The following CLCN1 variants were observed in gnomAD, a reference collection of about 807,000 sequenced individuals.
The protein encoded by CLCN1 is chloride channel protein 1.
In CLCN1, 100 loss-of-function variants were observed where a neutral mutation model predicts 114.5. That is an observed-to-expected ratio of 0.87 (90% CI 0.74 to 1.03). The LOEUF (loss-of-function observed/expected upper bound fraction) is 1.03. Ranked by LOEUF, CLCN1 falls within the 50% of genes least tolerant of loss-of-function variation. The pLI is 0.00. For missense variants in CLCN1, 1,188 were observed against 1,250.0 expected, an observed-to-expected ratio of 0.95 and a Z score of 0.75; for synonymous variants, 485 against 487.1, an observed-to-expected ratio of 1.00 and a Z score of 0.06.
chr7:143,329,360 C>T (rs1269710598), intron 7 of CLCN1, among the ~76,000 whole-genome samples: 2 of 152,108 alleles, frequency 1.3e-5, no homozygotes, highest in Non-Finnish European at 1.5e-5. Flanking sequence ...ATTCTGAGAG[C>T]GCAGGCTGAA....
chr7:143,346,737 A>G, intron 19 of CLCN1, 79 bp downstream of exon 19: 1 of 1,306,582 alleles, frequency 7.7e-7, no homozygotes, highest in Non-Finnish European at 1.1e-6. Flanking sequence ...TTCTTAAATC[A>G]GGAAGGCAGA....
At chr7:143,341,684 T>C (rs1263427211) in intron 14 of CLCN1, among the ~76,000 whole-genome samples, 1 of 152,122 alleles carries the variant, frequency 6.6e-6, no homozygotes, top group Non-Finnish European at 1.5e-5. Context: ...TATCTTCATA[T>C]TATAAATGAA....
intron 12 of CLCN1, among the ~76,000 whole-genome samples, chr7:143,336,744 A>G (rs1462937304): frequency 3.3e-5 from 5 of 152,148 alleles, no homozygotes. Context: ...TCACGTGCCA[A>G]TAGCTAAAAA....
chr7:143,331,359 G>C, intron 9 of CLCN1, 43 bp downstream of exon 9: 1 of 1,429,992 alleles, frequency 7.0e-7, no homozygotes, highest in Non-Finnish European at 9.9e-7. Context: ...GCAGGGTGTG[G>C]AGTGAGGCTG....
intron 9 of CLCN1, 49 bp from the exon 10 acceptor site, chr7:143,331,502 T>C (rs1185377095): frequency 1.5e-6 from 2 of 1,370,146 alleles, no homozygotes; most frequent in Non-Finnish European, 2.1e-6. Flanking sequence ...GTCCAAGAGA[T>C]GAGGATTTCA....
Position 143,345,120 on chromosome 7 carries a change from G to C in CLCN1, c.1931-401G>C, listed in dbSNP as rs73172432. On this transcript the variant is annotated intron_variant, in intron 16 of 22. Transcript: ENST00000343257. ...CCTTGTTTCCCTTTTTCCAGGGAGA[G>C]ATATAATGTTTGTATTGCTTATAGA... Among the ~76,000 whole-genome samples, 1,390 of 152,262 alleles carry C rather than the reference G, an allele frequency of 9.1e-3. 12 individuals are homozygous for C. The highest frequency in any genetic ancestry group is 0.012 in the Non-Finnish European group (811 of 68,020).
At position 143,321,352 on chromosome 7, in the gene CLCN1, T is replaced by C. The variant is rs984942882; in HGVS notation, c.434-13T>C. 4.3e-6 allele frequency: 7 copies of C among 1,613,996 alleles called. No homozygotes were observed. The African/African-American group carries it at 6.7e-5, about 15-fold the overall frequency. ...GCCATGTTCTGCCTAACCCCAGGCA[T>C]GTGTCTCCGCAGCCTACAAGTGGTC... is the stretch of plus-strand genomic sequence containing the variant. On this transcript the variant is annotated splice_polypyrimidine_tract_variant and intron_variant, in intron 3 of 22. Coordinates refer to ENST00000343257, the MANE Select transcript of CLCN1 (RefSeq NM_000083.3). The surrounding 1 kb of genome is among the most constrained non-coding windows in gnomAD (Gnocchi z 4.2).
chr7:143,345,407 A>G, intron 16 of CLCN1, 114 bp from the exon 17 acceptor site: 1 of 1,303,676 alleles, frequency 7.7e-7, no homozygotes, highest in Non-Finnish European at 1.0e-6. Context: ...GCTGAGAAAG[A>G]TGTGGGGACG....
intron 7 of CLCN1, among the ~76,000 whole-genome samples, chr7:143,327,403 G>C (rs534313428): frequency 6.6e-5 from 10 of 152,244 alleles, no homozygotes; most frequent in Middle Eastern, 3.4e-3. Context: ...GGGAAATACT[G>C]TCGGGGTGAA....
chr7:143,329,290 G>T (rs962451018), intron 7 of CLCN1, among the ~76,000 whole-genome samples: 2 of 152,116 alleles, frequency 1.3e-5, no homozygotes, highest in Non-Finnish European at 2.9e-5. Flanking sequence ...AATCCTAGGG[G>T]ATCTCTGAAA....
chr7:143,343,906 C>A (rs969619668), intron 16 of CLCN1, among the ~76,000 whole-genome samples: 1 of 152,142 alleles, frequency 6.6e-6, no homozygotes, highest in Admixed American at 6.5e-5. Context: ...ATGGCGCCAT[C>A]TTGGCTCACT....
At position 143,331,329 on chromosome 7, in the gene CLCN1, A is replaced by G; in HGVS notation, c.1064+13A>G. 6.3e-7 allele frequency: 1 copy of G among 1,578,292 alleles called. No homozygotes were observed. Among genetic ancestry groups the G allele is most frequent in the Non-Finnish European group, 8.7e-7 (1 of 1,147,396 alleles). On this transcript the variant is annotated intron_variant, in intron 9 of 22. Transcript: ENST00000343257. ...TTGCTGCCATCGGGTCAGTGGGGTT[A>G]CCTGCTCTGTGTGTGGTGAGCAGGG...
At chr7:143,329,630 G>T (rs1419289641) in intron 7 of CLCN1, among the ~76,000 whole-genome samples, 3 of 152,184 alleles carry the variant, frequency 2.0e-5, no homozygotes, top group African/African-American at 7.2e-5. Context: ...TTACTAGGAT[G>T]CGAGGTGCTG....
rs375462792 is a variant in CLCN1, at chr7:143,346,687, G to A, written c.2364+29G>A. 5.7e-6 allele frequency: 9 copies of A among 1,570,476 alleles called. No individual in the cohort carries two copies. In the African/African-American group the frequency reaches 1.1e-4, roughly 19 times the overall value. The stretch of plus-strand genomic sequence containing the variant: ...AGAGGAGATGTGTTTGGGGATACAG[G>A]GGAAAGGGAGCCTGCCCTTGAAGAG... On this transcript the variant is annotated intron_variant, in intron 19 of 22. Coordinates refer to ENST00000343257, the MANE Select transcript of CLCN1 (RefSeq NM_000083.3).
intron 10 of CLCN1, among the ~76,000 whole-genome samples, 176 bp downstream of exon 10, chr7:143,331,828 A>C (rs776799000): frequency 2.6e-5 from 4 of 151,966 alleles, no homozygotes; most frequent in Admixed American, 2.6e-4. Flanking sequence ...TTTAAAGATT[A>C]TTTTTGTTTT....
Position 143,345,746 on chromosome 7 carries a change from T to G in CLCN1, c.2156T>G (p.Leu719Arg), listed in dbSNP as rs780013577. ...GTGGATGAGGATGAGGACGAAGACC[T>G]CTCTGGCAAGAGCGAGGTGACCGCG... ...AFVDEDEDED[L>R]SGKSELPPSL... The change falls in exon 17 of 23, where the codon CTC becomes CGC. Residue 719 changes from leucine (L) to arginine (R), a missense_variant. Physicochemically the swap from Leu to Arg is moderately radical, Grantham distance 102. Transcript: ENST00000343257. 2.0e-5 allele frequency: 32 copies of G among 1,602,680 alleles called. No homozygotes were observed. Among genetic ancestry groups the G allele is most frequent in the Non-Finnish European group, 2.7e-5 (32 of 1,175,584 alleles).
At chr7:143,332,338 A>T in intron 10 of CLCN1, 81 bp from the exon 11 acceptor site, 1 of 1,034,988 alleles carries the variant, frequency 9.7e-7, no homozygotes, top group Non-Finnish European at 1.5e-6. Context: ...GGACTAAAGG[A>T]AACTTCAGCT....
At chr7:143,346,354 G>T (rs751542421) in intron 18 of CLCN1, 103 bp downstream of exon 18, 8 of 810,156 alleles carry the variant, frequency 9.9e-6, no homozygotes, top group Middle Eastern at 2.8e-4. Context: ...GGGGTGGGGT[G>T]GGGGGTGAGG....
chr7:143,347,183 A>G (rs1041579534), intron 20 of CLCN1, among the ~76,000 whole-genome samples: 1 of 152,208 alleles, frequency 6.6e-6, no homozygotes, highest in African/African-American at 2.4e-5. Flanking sequence ...TTGAGCCTCC[A>G]TGAGTAAATG....
Sources: allele counts gnomAD v4.1 joint callset (sites outside exome capture counted in the v4.1 genomes callset), GRCh38; gene constraint gnomAD v4.1.1; non-coding constraint Gnocchi (gnomAD v3.1); transcripts MANE v1.5; gene names NCBI Gene and HGNC (gene_info 2026-07-23, HGNC 2026-07-21).